TMCO1: variants seen among roughly 807,000 people sequenced by gnomAD.
The protein encoded by TMCO1 is transmembrane and coiled-coil domains 1, also known as calcium load-activated calcium channel.
TMCO1 carries 29 observed loss-of-function variants against 29.3 expected under a neutral mutation model. That is an observed-to-expected ratio of 0.99 (90% CI 0.74 to 1.35). The LOEUF (loss-of-function observed/expected upper bound fraction) is 1.35. TMCO1 is among the 40% of genes most tolerant of loss of function. The pLI is 0.00. For synonymous variants in TMCO1, 80 were observed against 77.1 expected (o/e 1.04, Z -0.20); for missense variants, 173 against 225.5 (o/e 0.77, Z 1.49).
At chr1:165,738,891 T>C (rs1311997626) in intron 6 of TMCO1, among the ~76,000 whole-genome samples, 1 of 152,226 alleles carries the variant, frequency 6.6e-6, no homozygotes, top group African/African-American at 2.4e-5. Flanking sequence ...ATCCTTCAAA[T>C]ACAACAGTTT....
chr1:165,745,189 T>A (rs1283109300), intron 5 of TMCO1, among the ~76,000 whole-genome samples: 10 of 145,494 alleles, frequency 6.9e-5, no homozygotes, highest in Admixed American at 1.4e-4. Context: ...TCTGGCTAAT[T>A]TTTTTTTTTT....
At position 165,759,540 on chromosome 1, in the gene TMCO1, G is replaced by A; in HGVS notation, c.193C>T (p.Gln65Ter). ...CTCATCTTACCTATTTTCTTTTTCT[G>A]TTGTCGACCAGCTGACTCTGTTATT... ...ETITESAGRQ[Q>*]KKKIERQEEK... The change falls in exon 3 of 7, where the codon CAG becomes TAG. Residue 65 changes from glutamine to a stop codon, truncating the protein, a stop_gained. Coordinates refer to ENST00000367881, the MANE Select transcript of TMCO1 (RefSeq NM_019026.6). LOFTEE classifies it high-confidence loss of function. The A allele has an allele frequency of 1.2e-6, 2 of 1,611,644 alleles. No homozygotes were observed. Among genetic ancestry groups the A allele is most frequent in the South Asian group, 1.1e-5 (1 of 90,832 alleles).
intron 4 of TMCO1, among the ~76,000 whole-genome samples, chr1:165,753,911 G>A (rs1301208357): frequency 6.6e-6 from 1 of 152,122 alleles, no homozygotes; most frequent in Non-Finnish European, 1.5e-5. Flanking sequence ...TAAAACCAAA[G>A]ATTCAGCATT....
At chr1:165,751,699 C>T (rs112751383) in intron 5 of TMCO1, among the ~76,000 whole-genome samples, 2,031 of 149,656 alleles carry the variant, frequency 0.014, 54 homozygotes, top group African/African-American at 0.048. Context: ...AGCAAGACTC[C>T]GTCTCAAAAA....
Position 165,731,831 on chromosome 1 carries a change from A to G in TMCO1, c.469-3710T>C, listed in dbSNP as rs1340806422. On this transcript the variant is annotated intron_variant, in intron 6 of 6. Coordinates refer to ENST00000367881, the MANE Select transcript of TMCO1 (RefSeq NM_019026.6). The stretch of plus-strand genomic sequence containing the variant: ...GCAACTCTATACTTTCCTTTACTCT[A>G]TACTTTCCTTTCCTTGTGGCTCTTG... 3.3e-5 allele frequency among the ~76,000 whole-genome samples: 5 copies of G among 152,346 alleles called. No homozygotes were observed. In the South Asian group the frequency reaches 6.2e-4, roughly 19 times the overall value.
At position 165,743,187 on chromosome 1, in the gene TMCO1, AG is replaced by A. The variant is rs770734602; in HGVS notation, c.447del (p.Cys150ValfsTer63). On this transcript the variant is annotated frameshift_variant, in exon 6 of 7. Coordinates refer to ENST00000367881, the MANE Select transcript of TMCO1 (RefSeq NM_019026.6). LOFTEE classifies it high-confidence loss of function. Reference protein sequence around the residue: ...TDCSFIFLYILCTMSIRQNIQ... With the variant: ...TDCSFIFLYIXCTMSIRQNIQ... ...CTCACCTGTCGAATCGACATAGTAC[AG>A]AGAATATACAGGAAAATGAAGGAAC... 52 of 1,614,190 alleles carry A rather than the reference AG, an allele frequency of 3.2e-5. No homozygotes were observed. Among genetic ancestry groups the A allele is most frequent in the Non-Finnish European group, 4.2e-5 (50 of 1,180,012 alleles).
At chr1:165,761,747 G>T (rs538887594) in intron 2 of TMCO1, among the ~76,000 whole-genome samples, 1 of 151,778 alleles carries the variant, frequency 6.6e-6, no homozygotes, top group Non-Finnish European at 1.5e-5. Context: ...TCAGGAGTTC[G>T]AGATCAGCAT....
At chr1:165,742,180 C>G (rs1280234724) in intron 6 of TMCO1, among the ~76,000 whole-genome samples, 4 of 152,146 alleles carry the variant, frequency 2.6e-5, no homozygotes, top group Non-Finnish European at 4.4e-5. Context: ...CACTACAAAG[C>G]CTGCCGAACG....
chr1:165,724,954 G>A (rs1256173342), downstream of TMCO1: 1 of 450,216 alleles, frequency 2.2e-6, no homozygotes, highest in Middle Eastern at 7.0e-4. Context: ...GAAGGTGGAG[G>A]ATGGGTTACC....
At chr1:165,744,575 T>C (rs1651718336) in intron 5 of TMCO1, among the ~76,000 whole-genome samples, 1 of 152,126 alleles carries the variant, frequency 6.6e-6, no homozygotes, top group Admixed American at 6.6e-5. Flanking sequence ...GCGGATCACC[T>C]GAGGTTGGGA....
chr1:165,766,305 A>G (rs1652565113), intron 2 of TMCO1, among the ~76,000 whole-genome samples: 1 of 152,188 alleles, frequency 6.6e-6, no homozygotes, highest in African/African-American at 2.4e-5. Flanking sequence ...GACATAACAA[A>G]TTGATGCGTG....
intron 6 of TMCO1, among the ~76,000 whole-genome samples, chr1:165,740,117 A>G (rs1056741330): frequency 1.3e-5 from 2 of 152,128 alleles, no homozygotes; most frequent in African/African-American, 4.8e-5. Flanking sequence ...GTCTCAAAAT[A>G]ATAACAACAA....
chr1:165,737,697 G>A (rs1651444789), intron 6 of TMCO1, among the ~76,000 whole-genome samples: 1 of 152,172 alleles, frequency 6.6e-6, no homozygotes, highest in Non-Finnish European at 1.5e-5. Flanking sequence ...CATTTAAAAT[G>A]CTTAAAGGTT....
intron 3 of TMCO1, among the ~76,000 whole-genome samples, chr1:165,757,933 C>T (rs1652258226): frequency 6.6e-6 from 1 of 152,168 alleles, no homozygotes; most frequent in South Asian, 2.1e-4. Context: ...AATCTGCCTT[C>T]CATTTTTATA....
intron 6 of TMCO1, among the ~76,000 whole-genome samples, chr1:165,742,530 T>G (rs1651636507): frequency 6.6e-6 from 1 of 152,192 alleles, no homozygotes; most frequent in East Asian, 1.9e-4. Context: ...ACCAAATTGC[T>G]GGAATTACAG....
intron 2 of TMCO1, among the ~76,000 whole-genome samples, chr1:165,766,074 T>C (rs1393069130): frequency 6.6e-6 from 1 of 152,184 alleles, no homozygotes; most frequent in Non-Finnish European, 1.5e-5. Context: ...TTGGGGTGTT[T>C]CTTCAAAAAG....
intron 6 of TMCO1, 87 bp from the exon 7 acceptor site, chr1:165,728,208 A>C: frequency 2.3e-5 from 23 of 995,122 alleles, no homozygotes; most frequent in Non-Finnish European, 3.6e-5. Flanking sequence ...AAGGGAACTC[A>C]TACTCATATA....
chr1:165,724,536 G>A (rs1333413789), downstream of TMCO1: 1 of 454,124 alleles, frequency 2.2e-6, no homozygotes, highest in Admixed American at 2.3e-5. Flanking sequence ...GAATTTGTTA[G>A]AGATGCAAAT....
chr1:165,767,846 A>AT (rs1558045014), intron 2 of TMCO1, among the ~76,000 whole-genome samples: 1 of 152,012 alleles, frequency 6.6e-6, no homozygotes, highest in Admixed American at 6.6e-5. Flanking sequence ...TACCCAGCTA[A>AT]TTTTTTCTGT....
Sources: allele counts gnomAD v4.1 joint callset (sites outside exome capture counted in the v4.1 genomes callset), GRCh38; gene constraint gnomAD v4.1.1; transcripts MANE v1.5; gene names NCBI Gene and HGNC (gene_info 2026-07-23, HGNC 2026-07-21).